SGTA: variants seen among roughly 807,000 people sequenced by gnomAD.
The protein encoded by SGTA is small glutamine-rich tetratricopeptide repeat-containing protein alpha.
A neutral mutation model predicts 44.3 loss-of-function variants in SGTA; 22 were observed. The ratio of observed to expected loss-of-function variants is 0.50; its 90% confidence interval spans 0.36 to 0.71. The LOEUF (loss-of-function observed/expected upper bound fraction) is 0.71. SGTA is among the 30% of genes least tolerant of loss of function. The pLI is 0.00. For missense variants in SGTA, 341 were observed against 435.9 expected (o/e 0.78, Z 1.94); for synonymous variants, 174 against 177.6 (o/e 0.98, Z 0.16).
chr19:2,763,858 G>A lies in SGTA; in HGVS notation c.393-101C>T. ...GAGCTGCGTTCCTCTCCAACTTCCT[G>A]GAGGAACGGCCTCAGTTTTCCCCAT... On this transcript the variant is annotated intron_variant, in intron 5 of 11. Transcript: ENST00000221566. The surrounding 1 kb of genome is among the most constrained non-coding windows in gnomAD (Gnocchi z 5.8). 3 of 855,218 alleles carry A rather than the reference G, an allele frequency of 3.5e-6. No individual in the cohort carries two copies. The highest frequency in any genetic ancestry group is 3.3e-5 in the South Asian group (2 of 61,254). The allele number at this position is 855,218 out of a possible 1,614,324, so 53.0% of individuals were successfully genotyped here. A position where few individuals can be genotyped will look rare whatever the true frequency, so the allele number is the denominator to read the frequency against.
chr19:2,764,774 C>T (rs1915093302), intron 5 of SGTA, among the ~76,000 whole-genome samples: 1 of 152,146 alleles, frequency 6.6e-6, no homozygotes, highest in African/African-American at 2.4e-5. Flanking sequence ...CCATGTTAGC[C>T]AGGCTGGTCT....
chr19:2,771,049 T>A (rs567744254), intron 1 of SGTA, among the ~76,000 whole-genome samples: 5 of 152,226 alleles, frequency 3.3e-5, no homozygotes, highest in Non-Finnish European at 5.9e-5. Context: ...GGGAGCTCCA[T>A]TGTGGCTGCT....
In SGTA at chr19:2,767,359, C is replaced by T; in HGVS notation, c.208-139G>A. ...GCTCTGCAGGGGACTCCTGGCCCCC[C>T]ATCATGTGGCCCTGGGCGAGTGACC... On this transcript the variant is annotated intron_variant, in intron 3 of 11. Coordinates refer to ENST00000221566, the MANE Select transcript of SGTA (RefSeq NM_003021.4). The surrounding 1 kb of genome is among the most constrained non-coding windows in gnomAD (Gnocchi z 7.3). 1 of 741,604 alleles carries T rather than the reference C, an allele frequency of 1.3e-6. No individual in the cohort carries two copies. The highest frequency in any genetic ancestry group is 2.2e-6 in the Non-Finnish European group (1 of 449,882). 45.9% of individuals were successfully genotyped at this position (741,604 alleles called of 1,614,324 possible). A position where few individuals can be genotyped will look rare whatever the true frequency, so the allele number is the denominator to read the frequency against.
intron 1 of SGTA, among the ~76,000 whole-genome samples, chr19:2,772,543 C>T (rs913932704): frequency 1.6e-4 from 24 of 152,358 alleles, no homozygotes; most frequent in Admixed American, 1.5e-3. Context: ...CTGTCGTGTG[C>T]TGAACTGTGT....
chr19:2,758,516 C>CA (rs11400903), intron 9 of SGTA, among the ~76,000 whole-genome samples: 44,388 of 135,172 alleles, frequency 0.33, 7,443 homozygotes, highest in East Asian at 0.66. Flanking sequence ...GATTCTGTCT[C>CA]AAAAAAAAAA....
intron 1 of SGTA, among the ~76,000 whole-genome samples, chr19:2,774,734 G>A (rs1038363960): frequency 2.0e-5 from 3 of 152,126 alleles, no homozygotes; most frequent in African/African-American, 4.8e-5. Flanking sequence ...CTCCCACCCT[G>A]GCCTCCCAAA....
chr19:2,767,069 C>G lies in SGTA; in HGVS notation c.292+67G>C, dbSNP rs113581651. ...GGCCCCAGGGACCAGCTGGCCTCTG[C>G]GAGGGTCCCACAGCCCCGGAGTCCA... On this transcript the variant is annotated intron_variant, in intron 4 of 11. Coordinates refer to ENST00000221566, the MANE Select transcript of SGTA (RefSeq NM_003021.4). This position sits in a 1 kb window ranked among gnomAD's most constrained non-coding sequence, Gnocchi z 7.3. The G allele has an allele frequency of 6.4e-4, 783 of 1,222,800 alleles. 3 individuals carry two copies. In the African/African-American group the frequency reaches 0.011, roughly 17 times the overall value. The allele number at this position is 1,222,800 out of a possible 1,614,324, so 75.7% of individuals were successfully genotyped here. A position where few individuals can be genotyped will look rare whatever the true frequency, so the allele number is the denominator to read the frequency against.
intron 1 of SGTA, among the ~76,000 whole-genome samples, chr19:2,771,135 T>A (rs1599504575): frequency 6.6e-6 from 1 of 152,314 alleles, no homozygotes; most frequent in East Asian, 1.9e-4. Flanking sequence ...GTTGTTAATA[T>A]CACGATTCTG....
Position 2,765,338 on chromosome 19 carries a change from T to A in SGTA, c.293-53A>T. The A allele has an allele frequency of 7.4e-7, 1 of 1,354,992 alleles. No individual in the cohort carries two copies. The highest frequency in any genetic ancestry group is 1.0e-6 in the Non-Finnish European group (1 of 959,564). 83.9% of individuals were successfully genotyped at this position (1,354,992 alleles called of 1,614,324 possible). A position where few individuals can be genotyped will look rare whatever the true frequency, so the allele number is the denominator to read the frequency against. Reference sequence around the variant, plus strand: ...CGGTGTCCACACAGACCGGAGGGGGTGTCAGGGAGAGAGGAAAACACCGGC... The same window carrying A: ...CGGTGTCCACACAGACCGGAGGGGGAGTCAGGGAGAGAGGAAAACACCGGC... On this transcript the variant is annotated intron_variant, in intron 4 of 11. Transcript: ENST00000221566. This position sits in a 1 kb window ranked among gnomAD's most constrained non-coding sequence, Gnocchi z 5.5.
At position 2,765,985 on chromosome 19, in the gene SGTA, G is replaced by A. The variant is rs1025760328; in HGVS notation, c.293-700C>T. On this transcript the variant is annotated intron_variant, in intron 4 of 11. Transcript: ENST00000221566. This position sits in a 1 kb window ranked among gnomAD's most constrained non-coding sequence, Gnocchi z 5.5. ...TATAATCCCAGCACTTTGGGAGGCCGACGCAGGCGGATCGCAAGATCAGGA... is the reference window on the plus strand; with the variant it reads ...TATAATCCCAGCACTTTGGGAGGCCAACGCAGGCGGATCGCAAGATCAGGA... 2.6e-5 allele frequency among the ~76,000 whole-genome samples: 4 copies of A among 152,202 alleles called. No homozygotes were observed. The highest frequency in any genetic ancestry group is 5.9e-5 in the Non-Finnish European group (4 of 68,040).
rs948496665 is a variant in SGTA, at chr19:2,768,994, C to T, written c.75G>A (p.Ser25=). The stretch of plus-strand genomic sequence containing the variant: ...CTTCCAAGCTCTCCTGAGCATCGGA[C>T]GAGAGGCCCCCGTGCCGGAGCTGGT... The part of the protein sequence containing the change: ...LHDQLRHGGL[S]SDAQESLEVA... Residue 25 remains serine, a synonymous_variant, in exon 2 of 12, where the codon TCG becomes TCA. Coordinates refer to ENST00000221566, the MANE Select transcript of SGTA (RefSeq NM_003021.4). The T allele has an allele frequency of 1.1e-5, 17 of 1,613,654 alleles. No individual in the cohort carries two copies. Among genetic ancestry groups the T allele is most frequent in the Admixed American group, 6.7e-5 (4 of 60,016 alleles).
intron 2 of SGTA, among the ~76,000 whole-genome samples, 174 bp downstream of exon 2, chr19:2,768,795 G>T (rs951830527): frequency 3.3e-5 from 5 of 152,252 alleles, no homozygotes; most frequent in Middle Eastern, 3.2e-3. Flanking sequence ...CTCGGCCCTG[G>T]CTCCCACGGC....
At chr19:2,759,840 G>C (rs1320227139) in intron 8 of SGTA, among the ~76,000 whole-genome samples, 1 of 152,096 alleles carries the variant, frequency 6.6e-6, no homozygotes, top group African/African-American at 2.4e-5. Flanking sequence ...CATGCCTGTA[G>C]TCCCAGCTAC....
In SGTA at chr19:2,763,789, C is replaced by G; in HGVS notation, c.393-32G>C. 3 of 1,583,158 alleles carry G rather than the reference C, an allele frequency of 1.9e-6. No individual in the cohort carries two copies. Among genetic ancestry groups the G allele is most frequent in the Non-Finnish European group, 2.6e-6 (3 of 1,157,190 alleles). On this transcript the variant is annotated intron_variant, in intron 5 of 11. Transcript: ENST00000221566. This position sits in a 1 kb window ranked among gnomAD's most constrained non-coding sequence, Gnocchi z 5.8. ...AAGAAAAGGCAGGGCAGGTCCCTCA[C>G]TGGCGGCTCTGAGCCCAGCGGGCAG...
chr19:2,779,923 A>G (rs1915533784), intron 1 of SGTA, among the ~76,000 whole-genome samples: 1 of 145,566 alleles, frequency 6.9e-6, no homozygotes, highest in African/African-American at 2.5e-5. Context: ...AAGAGACTCT[A>G]AAAAAAAAAA....
chr19:2,771,585 G>GA (rs1310609726), intron 1 of SGTA, among the ~76,000 whole-genome samples: 2 of 151,686 alleles, frequency 1.3e-5, no homozygotes, highest in Non-Finnish European at 2.9e-5. Context: ...CGGGGGGGGG[G>GA]GGAGGGGTAC....
intron 1 of SGTA, among the ~76,000 whole-genome samples, chr19:2,781,206 T>C (rs1235818343): frequency 1.3e-5 from 2 of 152,214 alleles, no homozygotes; most frequent in East Asian, 1.9e-4. Flanking sequence ...GATCCTCCAA[T>C]CTGGGGCAGA....
chr19:2,780,304 G>A (rs570038176), intron 1 of SGTA, among the ~76,000 whole-genome samples: 1 of 152,196 alleles, frequency 6.6e-6, no homozygotes, highest in African/African-American at 2.4e-5. Context: ...AGCAGGGCAG[G>A]AGAGCCGGGT....
At position 2,780,680 on chromosome 19, in the gene SGTA, CG is replaced by C. The variant is rs5826782; in HGVS notation, c.-24+2552del. Among the ~76,000 whole-genome samples, 496 of 152,306 alleles carry C rather than the reference CG, an allele frequency of 3.3e-3. 4 individuals carry two copies. Among genetic ancestry groups the C allele is most frequent in the African/African-American group, 0.011 (477 of 41,572 alleles). ...CCCTTTGAACGCCAGCATCTGGCAG[CG>C]TCTAAACCCTATGGACTCAGGAAAG... On this transcript the variant is annotated intron_variant, in intron 1 of 11. Transcript: ENST00000221566.
Sources: gnomAD v4.1 joint callset for allele counts (sites outside exome capture counted in the v4.1 genomes callset) on GRCh38, gnomAD v4.1.1 for gene constraint, Gnocchi (gnomAD v3.1) non-coding constraint, MANE v1.5 for transcripts, NCBI Gene and HGNC (gene_info 2026-07-23, HGNC 2026-07-21) for gene names.